YAF2: variants seen among roughly 807,000 people sequenced by gnomAD.
YAF2 encodes the protein YY1-associated factor 2.
YAF2 carries 7 observed loss-of-function variants against 20.1 expected under a neutral mutation model. The ratio of observed to expected loss-of-function variants is 0.35; its 90% CI spans 0.20 to 0.65. The LOEUF is 0.65. Among genes scored for constraint, YAF2 ranks in the 30% least tolerant of loss-of-function variants. YAF2 has a pLI of 0.69. For synonymous variants in YAF2, 74 were observed against 76.0 expected (o/e 0.97, Z 0.14); for missense variants, 151 against 219.2 (o/e 0.69, Z 1.96).
At chr12:42,185,665 C>T (rs950583273) in intron 2 of YAF2, among the ~76,000 whole-genome samples, 1 of 152,196 alleles carries the variant, frequency 6.6e-6, no homozygotes, top group African/African-American at 2.4e-5. Flanking sequence ...TTACAACTAG[C>T]TGAAAGCTCA....
At chr12:42,197,513 T>G (rs1281566971) in intron 2 of YAF2, among the ~76,000 whole-genome samples, 1 of 152,244 alleles carries the variant, frequency 6.6e-6, no homozygotes, top group Non-Finnish European at 1.5e-5. Context: ...AGCTAAACGC[T>G]GCACTAACTA....
rs553845869 is a variant in YAF2 at position 42,206,523 on chromosome 12, C to T, written c.152+31076G>A. 8.9e-4 allele frequency among the ~76,000 whole-genome samples: 135 copies of T among 151,762 alleles called. 1 individual carries two copies. Among genetic ancestry groups the T allele is most frequent in the Non-Finnish European group, 1.8e-3 (124 of 67,936 alleles). ...ACTCGTGAGGCTGAGGCTGGAGAAT[C>T]GCTTGAACCCAGGGGGTGGAGGTTG... On this transcript the variant is annotated intron_variant, in intron 2 of 3. Coordinates refer to ENST00000534854, the MANE Select transcript of YAF2 (RefSeq NM_005748.6).
chr12:42,188,485 A>G (rs2066530960), intron 2 of YAF2, among the ~76,000 whole-genome samples: 1 of 150,732 alleles, frequency 6.6e-6, no homozygotes, highest in Admixed American at 6.7e-5. Flanking sequence ...TCTCGGGCTC[A>G]AGCAATTCTC....
chr12:42,237,791 C>T (rs2068224962), intron 1 of YAF2, 67 bp from the exon 2 acceptor site: 1 of 1,167,190 alleles, frequency 8.6e-7, no homozygotes, highest in East Asian at 5.2e-5. Flanking sequence ...GTGCCCGGGC[C>T]CCGCGGCCGC....
At chr12:42,177,673 A>G (rs1361713096) in intron 2 of YAF2, among the ~76,000 whole-genome samples, 2 of 152,174 alleles carry the variant, frequency 1.3e-5, no homozygotes, top group Non-Finnish European at 1.5e-5. Flanking sequence ...TCCTGCATCA[A>G]TGGCTTTCTA....
At chr12:42,191,388 A>C (rs1310317121) in intron 2 of YAF2, among the ~76,000 whole-genome samples, 1 of 151,104 alleles carries the variant, frequency 6.6e-6, no homozygotes, top group East Asian at 1.9e-4. Context: ...TTTTTTGCTT[A>C]TATTTGCCTA....
At position 42,160,944 on chromosome 12, in the gene YAF2, T is replaced by C. The variant is rs1407905000; in HGVS notation, c.306-118A>G. On this transcript the variant is annotated intron_variant, in intron 3 of 3. Coordinates refer to ENST00000534854, the MANE Select transcript of YAF2 (RefSeq NM_005748.6). Reference sequence around the variant, plus strand: ...ATGAATACATGTATTTAAGGCAATTTATGTGTAACTAGCCACAAAAACATC... The same window carrying C: ...ATGAATACATGTATTTAAGGCAATTCATGTGTAACTAGCCACAAAAACATC... The C allele has an allele frequency of 8.3e-6, 6 of 724,888 alleles. No homozygotes were observed. The East Asian group carries it at 1.3e-4, about 16-fold the overall frequency. 44.9% of individuals were successfully genotyped at this position (724,888 alleles called of 1,614,324 possible).
At chr12:42,195,801 T>C (rs2066733847) in intron 2 of YAF2, among the ~76,000 whole-genome samples, 1 of 152,122 alleles carries the variant, frequency 6.6e-6, no homozygotes, top group Non-Finnish European at 1.5e-5. Context: ...AGAGGATGGG[T>C]ACCTAAGCAG....
intron 2 of YAF2, among the ~76,000 whole-genome samples, chr12:42,207,396 A>C (rs2137202170): frequency 6.6e-6 from 1 of 152,346 alleles, no homozygotes; most frequent in Non-Finnish European, 1.5e-5. Context: ...GTTTTCTAAC[A>C]CTAAATCTTT....
intron 2 of YAF2, among the ~76,000 whole-genome samples, chr12:42,186,595 C>T (rs1349666122): frequency 2.0e-5 from 3 of 151,090 alleles, no homozygotes; most frequent in Non-Finnish European, 4.4e-5. Flanking sequence ...GAGAATCGCT[C>T]GAACCCAGGA....
At chr12:42,235,575 A>G in intron 2 of YAF2, 1 of 1,410,212 alleles carries the variant, frequency 7.1e-7, no homozygotes, top group Non-Finnish European at 9.2e-7. Flanking sequence ...CAGAGAGAGG[A>G]AGGAAGAAGC....
rs59476115 is a variant in YAF2 at position 42,175,740 on chromosome 12, C to CAAAAAAAAAAAAAAA, written c.153-13990_153-13976dup. ...CTGGCGACAGAGCAAGACTCTGTCT[C>CAAAAAAAAAAAAAAA]AAAAAAAAAAAAAAAAAAAAAAAAA... On this transcript the variant is annotated intron_variant, in intron 2 of 3. Transcript: ENST00000534854. Among the ~76,000 whole-genome samples the CAAAAAAAAAAAAAAA allele has an allele frequency of 2.2e-4, 10 of 45,006 alleles. 1 individual carries two copies. Among genetic ancestry groups the CAAAAAAAAAAAAAAA allele is most frequent in the Admixed American group, 3.3e-4 (1 of 3,016 alleles). 29.5% of individuals were successfully genotyped at this position (45,006 alleles called of 152,430 possible). A position where few individuals can be genotyped will look rare whatever the true frequency, so the allele number is the denominator to read the frequency against.
intron 2 of YAF2, among the ~76,000 whole-genome samples, chr12:42,169,171 C>T (rs950643872): frequency 1.3e-5 from 2 of 152,168 alleles, no homozygotes; most frequent in Admixed American, 1.3e-4. Flanking sequence ...ACCAAGTATG[C>T]CAAAACCAAA....
intron 2 of YAF2, chr12:42,210,377 G>C: frequency 6.5e-7 from 1 of 1,530,470 alleles, no homozygotes; most frequent in Non-Finnish European, 8.7e-7. Context: ...TTATCCTATT[G>C]GGTCTTTTCC....
intron 2 of YAF2, among the ~76,000 whole-genome samples, chr12:42,217,364 G>A (rs1008368215): frequency 5.9e-5 from 9 of 151,950 alleles, no homozygotes; most frequent in East Asian, 1.9e-4. Context: ...AAGCAGTTGC[G>A]CTAACACCCA....
intron 2 of YAF2, among the ~76,000 whole-genome samples, chr12:42,175,790 G>A (rs1307255697): frequency 7.5e-6 from 1 of 133,714 alleles, no homozygotes; most frequent in Admixed American, 8.0e-5. Context: ...GAATACCTAG[G>A]TCCCACTTAA....
chr12:42,225,736 T>C (rs1215631301), intron 2 of YAF2, among the ~76,000 whole-genome samples: 2 of 152,218 alleles, frequency 1.3e-5, no homozygotes, highest in Admixed American at 6.5e-5. Context: ...TATCGGTCTA[T>C]ATGTCTGTTT....
At chr12:42,166,744 T>C (rs1645996921) in intron 2 of YAF2, among the ~76,000 whole-genome samples, 1 of 151,750 alleles carries the variant, frequency 6.6e-6, no homozygotes. Flanking sequence ...ATTCATCTAG[T>C]AACTGTGAAA....
At chr12:42,232,912 A>G (rs992820513) in intron 2 of YAF2, 1 of 985,308 alleles carries the variant, frequency 1.0e-6, no homozygotes, top group Non-Finnish European at 1.2e-6. Flanking sequence ...CCACCTCTTC[A>G]GCCTACACAT....
Sources: allele counts gnomAD v4.1 joint callset (sites outside exome capture counted in the v4.1 genomes callset), GRCh38; gene constraint gnomAD v4.1.1; transcripts MANE v1.5; gene names NCBI Gene and HGNC (gene_info 2026-07-23, HGNC 2026-07-21).